Variants in ANKRD36C observed in about 807,000 individuals in gnomAD.
The protein encoded by ANKRD36C is ankyrin repeat domain-containing protein 36C.
Under a neutral mutation model 276.4 loss-of-function variants are expected in ANKRD36C, and 61 were observed. The ratio of observed to expected loss-of-function variants is 0.22; its 90% CI spans 0.18 to 0.27. The LOEUF (loss-of-function observed/expected upper bound fraction) is 0.27, where lower values mean the gene tolerates loss of function less well. Among genes scored for constraint, ANKRD36C ranks in the 10% least tolerant of loss-of-function variants. The pLI is 1.00. For synonymous variants in ANKRD36C, 483 were observed against 680.1 expected (o/e 0.71, Z 4.51); for missense variants, 1,447 against 2,032.3 (o/e 0.71, Z 5.54).
At chr2:95,870,781 G>A (rs900024521) in intron 59 of ANKRD36C, among the ~76,000 whole-genome samples, 2 of 152,090 alleles carry the variant, frequency 1.3e-5, no homozygotes, top group Non-Finnish European at 1.5e-5. Context: ...AAATTTAGAC[G>A]AATGTATACC....
intron 44 of ANKRD36C, among the ~76,000 whole-genome samples, chr2:95,896,727 TG>T: frequency 6.8e-6 from 1 of 146,280 alleles, no homozygotes; most frequent in East Asian, 2.1e-4. Flanking sequence ...CAAATGCATC[TG>T]AAGTGAGTTC....
At position 95,884,328 on chromosome 2, in the gene ANKRD36C, G is replaced by A. The variant is rs561862989; in HGVS notation, c.3192+12C>T. Reference sequence around the variant, plus strand: ...AATTACTAGTTCACAATATAAATAAGAGTTTAATTACCTTCAAGGCTGGTT... The same window carrying A: ...AATTACTAGTTCACAATATAAATAAAAGTTTAATTACCTTCAAGGCTGGTT... On this transcript the variant is annotated intron_variant, in intron 53 of 66. Coordinates refer to ENST00000456556, the Ensembl canonical transcript of ANKRD36C. 1 of 1,610,728 alleles carries A rather than the reference G, an allele frequency of 6.2e-7. No individual in the cohort carries two copies. Among genetic ancestry groups the A allele is most frequent in the African/African-American group, 1.3e-5 (1 of 74,896 alleles).
chr2:95,911,184 C>G (rs1373882755), intron 42 of ANKRD36C, among the ~76,000 whole-genome samples: 1 of 151,420 alleles, frequency 6.6e-6, no homozygotes, highest in South Asian at 2.1e-4. Flanking sequence ...AAGTTTCTTT[C>G]ATCCACTAGT....
At chr2:95,893,591 C>T in intron 44 of ANKRD36C, 2 of 1,576,376 alleles carry the variant, frequency 1.3e-6, no homozygotes, top group Non-Finnish European at 1.7e-6. Context: ...CAGAATCTTC[C>T]TCGTCACCTG....
chr2:95,866,427 T>G (rs1347028160), intron 60 of ANKRD36C, among the ~76,000 whole-genome samples: 1 of 152,052 alleles, frequency 6.6e-6, no homozygotes, highest in African/African-American at 2.4e-5. Context: ...ATTATTAAAA[T>G]TCAACACGTA....
chr2:95,916,198 A>C, intron 36 of ANKRD36C, 27 bp from the exon 39 acceptor site: 4 of 1,602,604 alleles, frequency 2.5e-6, no homozygotes, highest in Non-Finnish European at 3.4e-6. Context: ...ACACGTAATC[A>C]CTCACTCGTA....
intron 59 of ANKRD36C, among the ~76,000 whole-genome samples, chr2:95,872,693 A>G (rs1675843160): frequency 6.6e-6 from 1 of 152,120 alleles, no homozygotes; most frequent in Non-Finnish European, 1.5e-5. Context: ...AAATAGAGAC[A>G]CAAAAAACCC....
intron 42 of ANKRD36C, among the ~76,000 whole-genome samples, chr2:95,904,257 A>C: frequency 8.0e-6 from 1 of 124,528 alleles, no homozygotes; most frequent in Non-Finnish European, 1.7e-5. Context: ...CGGAAACCCC[A>C]AAATTATATA....
chr2:95,984,914 G>C (rs1678998038), intron 3 of ANKRD36C, among the ~76,000 whole-genome samples: 1 of 152,040 alleles, frequency 6.6e-6, no homozygotes, highest in South Asian at 2.1e-4. Flanking sequence ...ATGGTTTTCA[G>C]TGTTTAAAAC....
At chr2:95,914,227 AT>A (rs1677020900) in intron 39 of ANKRD36C, 47 bp from the exon 42 acceptor site, 2 of 1,560,448 alleles carry the variant, frequency 1.3e-6, no homozygotes, top group Non-Finnish European at 1.7e-6. Context: ...AGTATGTTTC[AT>A]AGACTATGCA....
intron 59 of ANKRD36C, among the ~76,000 whole-genome samples, chr2:95,873,267 G>A (rs895926301): frequency 7.2e-5 from 11 of 151,960 alleles, no homozygotes; most frequent in Non-Finnish European, 1.0e-4. Flanking sequence ...AAAAATCCTC[G>A]ATAAAATATG....
chr2:95,978,938 T>C (rs191644615), intron 5 of ANKRD36C, among the ~76,000 whole-genome samples: 1 of 152,184 alleles, frequency 6.6e-6, no homozygotes, highest in East Asian at 1.9e-4. Context: ...AACTACTACT[T>C]CTCTACAGAC....
rs576358671 is a variant in ANKRD36C, at chr2:95,991,503, C to G, written c.197+9G>C. The G allele has an allele frequency of 4.5e-5, 72 of 1,586,656 alleles. No individual in the cohort carries two copies. The African/African-American group carries it at 8.9e-4, about 20-fold the overall frequency. ...TCCTCCCGCAGCCCCGGCTCCCGGC[C>G]CCCATTACCTTTCCTTCCTGTCTCT... On this transcript the variant is annotated intron_variant, in intron 1 of 66. Coordinates refer to ENST00000456556, the Ensembl canonical transcript of ANKRD36C.
chr2:95,981,099 T>G (rs1678905971), intron 4 of ANKRD36C, among the ~76,000 whole-genome samples: 1 of 151,958 alleles, frequency 6.6e-6, no homozygotes, highest in African/African-American at 2.4e-5. Flanking sequence ...AATTATTCAT[T>G]TCTTCCCTAG....
chr2:95,948,380 C>A, intron 17 of ANKRD36C, 150 bp downstream of exon 17: 1 of 694,666 alleles, frequency 1.4e-6, no homozygotes, highest in Admixed American at 3.7e-5. Flanking sequence ...AAATTAACCC[C>A]CCCTATTTCT....
chr2:95,873,002 C>A (rs905825642), intron 59 of ANKRD36C, among the ~76,000 whole-genome samples: 7 of 152,210 alleles, frequency 4.6e-5, no homozygotes, highest in African/African-American at 1.2e-4. Context: ...CAATAACAGG[C>A]TCTGAAATTG....
At chr2:95,908,614 A>T (rs1325616315) in intron 42 of ANKRD36C, 40 bp from the exon 48 acceptor site, 2 of 1,563,032 alleles carry the variant, frequency 1.3e-6, no homozygotes, top group African/African-American at 2.7e-5. Flanking sequence ...TTAATAAAGT[A>T]TGTTTCATAG....
chr2:95,911,393 G>C (rs372876829), intron 42 of ANKRD36C, among the ~76,000 whole-genome samples: 1 of 151,222 alleles, frequency 6.6e-6, no homozygotes, highest in East Asian at 2.0e-4. Context: ...TAATTAGAAT[G>C]CAACATAATT....
intron 6 of ANKRD36C, among the ~76,000 whole-genome samples, chr2:95,964,394 T>C (rs1278892957): frequency 6.6e-6 from 1 of 151,922 alleles, no homozygotes; most frequent in Non-Finnish European, 1.5e-5. Context: ...CTGCTTTCTT[T>C]GTTCTGCCCA....
Sources: allele counts gnomAD v4.1 joint callset (sites outside exome capture counted in the v4.1 genomes callset), GRCh38; gene constraint gnomAD v4.1.1; transcripts MANE v1.5; gene names NCBI Gene and HGNC (gene_info 2026-07-23, HGNC 2026-07-21).